The following CSPP1 variants were observed in gnomAD, a reference collection of about 807,000 sequenced individuals.
The protein encoded by CSPP1 is centrosome and spindle pole-associated protein 1.
Under a neutral mutation model 164.4 loss-of-function variants are expected in CSPP1, and 126 were observed. That is an observed-to-expected ratio of 0.77 (90% CI 0.66 to 0.89). The LOEUF (loss-of-function observed/expected upper bound fraction) is 0.89, where lower values mean the gene tolerates loss of function less well. CSPP1 is among the 40% of genes least tolerant of loss of function. CSPP1 has a pLI of 0.00. For synonymous variants in CSPP1, 472 were observed against 476.7 expected, an observed-to-expected ratio of 0.99 and a Z score of 0.13; for missense variants, 1,395 against 1,449.8, an observed-to-expected ratio of 0.96 and a Z score of 0.61.
At chr8:67,153,241 A>G (rs560677623) in intron 18 of CSPP1, among the ~76,000 whole-genome samples, 1 of 151,846 alleles carries the variant, frequency 6.6e-6, no homozygotes, top group African/African-American at 2.4e-5. Context: ...GTTTAATGGT[A>G]TAAAGAATGA....
chr8:67,094,889 A>G (rs1299192258), intron 6 of CSPP1, among the ~76,000 whole-genome samples: 3 of 152,224 alleles, frequency 2.0e-5, no homozygotes, highest in Middle Eastern at 3.4e-3. Context: ...ACCCTAGACT[A>G]GTTTACATTT....
Position 67,190,737 on chromosome 8 carries a change from A to G in CSPP1, c.3308A>G (p.Asn1103Ser), listed in dbSNP as rs1173151109. 3.7e-6 allele frequency: 6 copies of G among 1,612,600 alleles called. No individual in the cohort carries two copies. The African/African-American group carries it at 4.0e-5, about 11-fold the overall frequency. Residue 1103 changes from asparagine to serine, a missense_variant, in exon 29 of 31, where the codon AAC becomes AGC. Transcript: ENST00000678616. ...CCCTCTGCACGGGAGCGCAGGAGGA[A>G]CAAATGGAAAGGACTAGACATTGTA... ...QLPSARERRR[N>S]KWKGLDIDSS...
At chr8:67,190,551 T>C (rs1358528208) in intron 28 of CSPP1, 99 bp from the exon 29 acceptor site, 8 of 846,808 alleles carry the variant, frequency 9.4e-6, no homozygotes, top group Non-Finnish European at 1.6e-5. Context: ...TTTCATGGTA[T>C]TGTAAGCAAA....
chr8:67,075,895 T>C (rs1025960041), intron 2 of CSPP1, among the ~76,000 whole-genome samples: 6 of 152,186 alleles, frequency 3.9e-5, no homozygotes, highest in Non-Finnish European at 7.3e-5. Context: ...TCTTAACCAC[T>C]CTCCAGTAGT....
At chr8:67,153,863 T>C (rs566564178) in intron 18 of CSPP1, among the ~76,000 whole-genome samples, 161 bp from the exon 19 acceptor site, 4 of 152,196 alleles carry the variant, frequency 2.6e-5, no homozygotes, top group Admixed American at 2.6e-4. Context: ...CTACTGTTCA[T>C]CTGATCTTCA....
At chr8:67,124,393 C>A (rs1250568937) in intron 15 of CSPP1, among the ~76,000 whole-genome samples, 1 of 152,108 alleles carries the variant, frequency 6.6e-6, no homozygotes, top group Non-Finnish European at 1.5e-5. Flanking sequence ...AAGGTCATTC[C>A]TTTTCCTCTA....
intron 17 of CSPP1, among the ~76,000 whole-genome samples, chr8:67,137,944 T>A (rs537517507): frequency 2.2e-4 from 33 of 151,996 alleles, no homozygotes; most frequent in Middle Eastern, 6.8e-3. Context: ...TATTACAATT[T>A]AAAAAAAATA....
rs550762325 is a variant in CSPP1 at position 67,125,665 on chromosome 8, T to C, written c.1698-6286T>C. 7.2e-5 allele frequency among the ~76,000 whole-genome samples: 11 copies of C among 152,330 alleles called. No individual in the cohort carries two copies. In the East Asian group the frequency reaches 1.7e-3, roughly 24 times the overall value. Reference sequence around the variant, plus strand: ...TCTGTTCTAGACTGGGTAATCTCAATTGACCTGTCTTCAAGTTCATTGATT... The same window carrying C: ...TCTGTTCTAGACTGGGTAATCTCAACTGACCTGTCTTCAAGTTCATTGATT... On this transcript the variant is annotated intron_variant, in intron 15 of 30. Coordinates refer to ENST00000678616, the MANE Select transcript of CSPP1 (RefSeq NM_001382391.1).
intron 17 of CSPP1, 44 bp from the exon 18 acceptor site, chr8:67,149,739 A>G: frequency 7.3e-7 from 1 of 1,363,106 alleles, no homozygotes; most frequent in South Asian, 1.8e-5. Flanking sequence ...TGCCAATTAC[A>G]GAAATGTGTT....
intron 8 of CSPP1, among the ~76,000 whole-genome samples, chr8:67,104,725 C>T (rs1449276511): frequency 6.6e-6 from 1 of 151,650 alleles, no homozygotes; most frequent in African/African-American, 2.4e-5. Context: ...GCAATCTCTG[C>T]CTCCTGGGTT....
Position 67,086,012 on chromosome 8 carries a change from G to C in CSPP1, c.205G>C (p.Asp69His). 7.6e-7 allele frequency: 1 copy of C among 1,317,354 alleles called. No individual in the cohort carries two copies. Among genetic ancestry groups the C allele is most frequent in the Non-Finnish European group, 1.1e-6 (1 of 911,730 alleles). 81.6% of individuals were successfully genotyped at this position (1,317,354 alleles called of 1,614,324 possible). Residue 69 changes from aspartate (D) to histidine (H), a missense_variant, in exon 4 of 31, where the codon GAT becomes CAT. Transcript: ENST00000678616. ...AGAAGTTGTTTTTTTTCTAGGAATT[G>C]ATTATGGATTAAGTTTACCACTTGG... Reference protein sequence around the residue: ...SQQTRGSLGIDYGLSLPLGED... With the variant: ...SQQTRGSLGIHYGLSLPLGED...
In CSPP1 at chr8:67,175,522, C is replaced by T. The variant is rs780554630; in HGVS notation, c.3109+86C>T. 7.0e-5 allele frequency: 104 copies of T among 1,493,788 alleles called. No individual in the cohort carries two copies. In the African/African-American group the frequency reaches 1.2e-3, roughly 18 times the overall value. The allele number at this position is 1,493,788 out of a possible 1,614,324, so 92.5% of individuals were successfully genotyped here. A position where few individuals can be genotyped will look rare whatever the true frequency, so the allele number is the denominator to read the frequency against. ...TGCATCTCTTCTATTGATTTCATTC[C>T]CAGGCATCCTCCTTTCACTGGCAGC... On this transcript the variant is annotated intron_variant, in intron 26 of 30. Transcript: ENST00000678616.
intron 25 of CSPP1, chr8:67,173,809 G>C (rs1490632020): frequency 6.6e-6 from 1 of 152,098 alleles, no homozygotes; most frequent in East Asian, 1.9e-4. Context: ...TAACCCAGTG[G>C]GTCTCATGAG....
At chr8:67,097,224 T>C (rs187027427) in intron 7 of CSPP1, among the ~76,000 whole-genome samples, 213 of 152,318 alleles carry the variant, frequency 1.4e-3, no homozygotes, top group African/African-American at 4.9e-3. Flanking sequence ...GATTAGTTTT[T>C]AAGTATTTTA....
chr8:67,167,451 C>A (rs1200187128), intron 24 of CSPP1, among the ~76,000 whole-genome samples: 2 of 151,198 alleles, frequency 1.3e-5, no homozygotes, highest in Non-Finnish European at 3.0e-5. Context: ...CTGCCCCCCA[C>A]CTCCCGGATG....
chr8:67,136,813 C>A (rs928191143), intron 16 of CSPP1, among the ~76,000 whole-genome samples: 3 of 151,540 alleles, frequency 2.0e-5, no homozygotes, highest in Non-Finnish European at 2.9e-5. Context: ...GTAGGGAGAT[C>A]TGATGGTCCC....
In CSPP1 at chr8:67,093,219, CTA is replaced by C. The variant is rs367680117; in HGVS notation, c.385-322_385-321del. On this transcript the variant is annotated intron_variant, in intron 5 of 30. Transcript: ENST00000678616. ...GAAAATGTCATCTAAGCTCTGTTAA[CTA>C]TTGGAGTGTAAAATGGAGATGTTTC... 7.7e-4 allele frequency among the ~76,000 whole-genome samples: 117 copies of C among 152,312 alleles called. 1 individual carries two copies. Among genetic ancestry groups the C allele is most frequent in the African/African-American group, 2.6e-3 (110 of 41,566 alleles).
At position 67,064,471 on chromosome 8, in the gene CSPP1, C is replaced by T; in HGVS notation, c.-78C>T. On this transcript the variant is annotated 5_prime_UTR_variant, in exon 1 of 31. Transcript: ENST00000678616. ...CGATCCTCTAGAGCACTGTGTGTCT[C>T]CCCGGACGCGAGCCCGCTCCCCTGA... is the stretch of plus-strand genomic sequence containing the variant. 2.5e-6 allele frequency: 4 copies of T among 1,613,888 alleles called. No individual in the cohort carries two copies. The highest frequency in any genetic ancestry group is 2.5e-6 in the Non-Finnish European group (3 of 1,179,900).
chr8:67,150,845 T>C (rs1436011623), intron 18 of CSPP1, among the ~76,000 whole-genome samples: 1 of 152,250 alleles, frequency 6.6e-6, no homozygotes, highest in Non-Finnish European at 1.5e-5. Context: ...AAAAATAAAA[T>C]TTAATACAGC....
Sources: allele counts gnomAD v4.1 joint callset (sites outside exome capture counted in the v4.1 genomes callset), GRCh38; gene constraint gnomAD v4.1.1; transcripts MANE v1.5; gene names NCBI Gene and HGNC (gene_info 2026-07-23, HGNC 2026-07-21).